Variants in USH2A observed in about 807,000 individuals in gnomAD.
USH2A encodes the protein Usher syndrome 2A (autosomal recessive, mild).
In USH2A, 443 loss-of-function variants were observed where a neutral mutation model predicts 538.9. The ratio of observed to expected loss-of-function variants is 0.82; its 90% confidence interval spans 0.76 to 0.89. The LOEUF is 0.89. USH2A is among the 40% of genes least tolerant of loss of function. The pLI is 0.00. For synonymous variants in USH2A, 2,413 were observed against 2,273.5 expected, an observed-to-expected ratio of 1.06 and a Z score of -1.75; for missense variants, 6,633 against 6,324.8, an observed-to-expected ratio of 1.05 and a Z score of -1.65.
intron 40 of USH2A, among the ~76,000 whole-genome samples, chr1:215,894,740 C>A (rs1024357842): frequency 1.3e-5 from 2 of 152,106 alleles, no homozygotes; most frequent in Non-Finnish European, 2.9e-5. Flanking sequence ...GGATGTCCCT[C>A]TCTTACATTC....
In USH2A at chr1:216,075,009, A is replaced by G. The variant is rs75900791; in HGVS notation, c.5573-1709T>C. Among the ~76,000 whole-genome samples, 928 of 152,320 alleles carry G rather than the reference A, an allele frequency of 6.1e-3. 15 individuals are homozygous for G. Among genetic ancestry groups the G allele is most frequent in the African/African-American group, 0.022 (897 of 41,572 alleles). On this transcript the variant is annotated intron_variant, in intron 27 of 71. Coordinates refer to ENST00000307340, the MANE Select transcript of USH2A (RefSeq NM_206933.4). ...AAAAATGGTTACAATGGTAAATTTC[A>G]TGTTACATATATTTTACCATAATGT...
intron 32 of USH2A, among the ~76,000 whole-genome samples, chr1:216,005,933 G>C (rs1668380664): frequency 6.6e-6 from 1 of 151,094 alleles, no homozygotes; most frequent in South Asian, 2.1e-4. Context: ...AGAAAAAATA[G>C]CCATAGTTAA....
intron 20 of USH2A, among the ~76,000 whole-genome samples, chr1:216,175,836 C>T (rs965490377): frequency 5.9e-5 from 9 of 152,124 alleles, no homozygotes; most frequent in Admixed American, 6.6e-5. Context: ...GCAGGTACCC[C>T]AATGGCCCAG....
chr1:216,256,321 C>CTTTTTTTTTTTTTTTTTTTCTT (rs201852377), intron 11 of USH2A, among the ~76,000 whole-genome samples: 1 of 125,536 alleles, frequency 8.0e-6, no homozygotes, highest in African/African-American at 2.9e-5. Flanking sequence ...TTCTTTTTTC[C>CTTTTTTTTTTTTTTTTTTTCTT]TTTTTTTTTT....
chr1:216,079,656 G>T (rs551812238), intron 26 of USH2A, among the ~76,000 whole-genome samples: 1 of 152,230 alleles, frequency 6.6e-6, no homozygotes, highest in African/African-American at 2.4e-5. Context: ...TTTGGTGTCT[G>T]TCTGAAACCA....
intron 9 of USH2A, among the ~76,000 whole-genome samples, chr1:216,292,896 C>T (rs984763544): frequency 6.6e-6 from 1 of 152,120 alleles, no homozygotes; most frequent in African/African-American, 2.4e-5. Flanking sequence ...ATTTAGTACT[C>T]TGTAATTTAA....
intron 43 of USH2A, among the ~76,000 whole-genome samples, chr1:215,871,222 A>G (rs1258092511): frequency 6.6e-6 from 1 of 152,206 alleles, no homozygotes; most frequent in African/African-American, 2.4e-5. Flanking sequence ...AGACATGACT[A>G]TGGTAATTTT....
chr1:215,861,881 C>T (rs369005280), intron 44 of USH2A, among the ~76,000 whole-genome samples: 2 of 137,916 alleles, frequency 1.5e-5, no homozygotes, highest in South Asian at 4.8e-4. Flanking sequence ...CACTCTGTCA[C>T]CAGGCTGGAG....
intron 24 of USH2A, 85 bp downstream of exon 24, chr1:216,086,634 A>G (rs1397709090): frequency 5.2e-6 from 6 of 1,148,228 alleles, no homozygotes; most frequent in Non-Finnish European, 7.7e-6. Flanking sequence ...GGTAGAACAT[A>G]ATACTTATTC....
Position 215,628,902 on chromosome 1 carries a change from C to G in USH2A, c.15431G>C (p.Ser5144Thr). The change falls in exon 71 of 72, where the codon AGC (serine) becomes ACC (threonine). Residue 5144 changes from serine (S) to threonine (T), a missense_variant. Transcript: ENST00000307340. ...LTYSQGSLHR[S>T]VSQLMDIQDK... Reference sequence around the variant, plus strand: ...TTGAATGTCCATGAGCTGGCTGACGCTGCGGTGAAGAGAACCCTGGGAGTA... The same window carrying G: ...TTGAATGTCCATGAGCTGGCTGACGGTGCGGTGAAGAGAACCCTGGGAGTA... 1 of 1,614,112 alleles carries G rather than the reference C, an allele frequency of 6.2e-7. No homozygotes were observed. The highest frequency in any genetic ancestry group is 2.2e-5 in the East Asian group (1 of 44,856).
intron 32 of USH2A, among the ~76,000 whole-genome samples, chr1:216,023,533 G>T (rs140686658): frequency 3.5e-3 from 481 of 137,776 alleles, no homozygotes; most frequent in African/African-American, 0.012. Context: ...TTTTGACCTT[G>T]AGGAGAGAAA....
chr1:216,072,107 G>A (rs561744570), intron 29 of USH2A, among the ~76,000 whole-genome samples: 8 of 152,132 alleles, frequency 5.3e-5, no homozygotes, highest in East Asian at 1.9e-4. Context: ...ATTGATACTC[G>A]CTGAATAAAC....
chr1:215,704,615 C>A (rs542730738), intron 61 of USH2A, among the ~76,000 whole-genome samples: 31 of 152,298 alleles, frequency 2.0e-4, no homozygotes, highest in Admixed American at 1.4e-3. Context: ...CATCCTTAGC[C>A]TCTCCCTGGT....
Position 215,898,499 on chromosome 1 carries a change from C to A in USH2A, c.7594+1576G>T, listed in dbSNP as rs573591737. ...CCTGCCTATAGATGGCAGGTCATGG[C>A]CCTCATTCAGTGAAAATTGTGGGGA... On this transcript the variant is annotated intron_variant, in intron 40 of 71. Transcript: ENST00000307340. Among the ~76,000 whole-genome samples, 4 of 152,214 alleles carry A rather than the reference C, an allele frequency of 2.6e-5. No homozygotes were observed. In the South Asian group the frequency reaches 8.3e-4, roughly 32 times the overall value.
At chr1:215,862,469 C>G (rs916195219) in intron 44 of USH2A, among the ~76,000 whole-genome samples, 1 of 151,948 alleles carries the variant, frequency 6.6e-6, no homozygotes, top group South Asian at 2.1e-4. Flanking sequence ...ATGTAAATGA[C>G]GAGTTAATGG....
At chr1:215,667,598 C>A (rs1352042466) in intron 64 of USH2A, among the ~76,000 whole-genome samples, 1 of 151,834 alleles carries the variant, frequency 6.6e-6, no homozygotes, top group East Asian at 1.9e-4. Flanking sequence ...TACCAGGAGG[C>A]TGAGGCAGAG....
chr1:215,877,724 C>T (rs1159515316), intron 43 of USH2A, 34 bp downstream of exon 43: 2 of 1,612,408 alleles, frequency 1.2e-6, no homozygotes, highest in South Asian at 1.1e-5. Context: ...GAACTAAATG[C>T]CAGCATTTGT....
chr1:215,650,631 G>A lies in USH2A; in HGVS notation c.14304C>T (p.Tyr4768=). The change falls in exon 65 of 72, where the codon TAC becomes TAT. Residue 4768 remains tyrosine, a synonymous_variant. Coordinates refer to ENST00000307340, the MANE Select transcript of USH2A (RefSeq NM_206933.4). ...PGKPNGIVSL[Y]RLFSSSAHGA... is the part of the protein sequence containing the mutation. Reference sequence around the variant, plus strand: ...CATGGGCGCTGCTGGAGAACAGCCTGTAGAGACTGACGATCCCGTTGGGCT... The same window carrying A: ...CATGGGCGCTGCTGGAGAACAGCCTATAGAGACTGACGATCCCGTTGGGCT... 1 of 1,614,188 alleles carries A rather than the reference G, an allele frequency of 6.2e-7. No homozygotes were observed. The highest frequency in any genetic ancestry group is 8.5e-7 in the Non-Finnish European group (1 of 1,180,038).
intron 58 of USH2A, among the ~76,000 whole-genome samples, chr1:215,752,576 C>G (rs1262176967): frequency 1.3e-5 from 2 of 152,180 alleles, no homozygotes; most frequent in African/African-American, 4.8e-5. Flanking sequence ...CACGTCTATT[C>G]CTTCTAGAAT....
Sources: gnomAD v4.1 joint callset for allele counts (sites outside exome capture counted in the v4.1 genomes callset) on GRCh38, gnomAD v4.1.1 for gene constraint, MANE v1.5 for transcripts, NCBI Gene and HGNC (gene_info 2026-07-23, HGNC 2026-07-21) for gene names.